CEP192: variants seen among roughly 807,000 people sequenced by gnomAD.
CEP192 encodes the protein centrosomal protein of 192 kDa.
CEP192 carries 151 observed loss-of-function variants against 271.8 expected under a neutral mutation model. The observed-to-expected ratio is 0.56, with a 90% CI of 0.49 to 0.64. The LOEUF is 0.64. Among genes scored for constraint, CEP192 ranks in the 30% least tolerant of loss-of-function variants. The probability of loss-of-function intolerance (pLI) is 0.00; values close to 1 mark genes in which losing one functional copy is unlikely to be tolerated. For synonymous variants in CEP192, 995 were observed against 1,076.5 expected (o/e 0.92, Z 1.48); for missense variants, 2,910 against 3,020.5 (o/e 0.96, Z 0.86).
chr18:13,034,682 G>C (rs576548828), intron 11 of CEP192, among the ~76,000 whole-genome samples: 4 of 151,716 alleles, frequency 2.6e-5, no homozygotes, highest in African/African-American at 9.7e-5. Context: ...TGGGTGTGGT[G>C]GTGGGCACCT....
intron 21 of CEP192, among the ~76,000 whole-genome samples, chr18:13,061,876 A>G (rs369382352): frequency 6.6e-6 from 1 of 152,354 alleles, no homozygotes; most frequent in African/African-American, 2.4e-5. Context: ...AACATGGTCA[A>G]GCCATCCCTG....
rs2039192027 is a variant in CEP192, at chr18:13,092,466, G to A, written c.6193G>A (p.Asp2065Asn). The A allele has an allele frequency of 6.2e-7, 1 of 1,609,166 alleles. No homozygotes were observed. The highest frequency in any genetic ancestry group is 8.5e-7 in the Non-Finnish European group (1 of 1,176,670). ...ACTTTCAGTAATTGGAGAATTCAGA[G>A]ATTGCATTTCTAGCAGAGAATTCCT... The part of the protein sequence containing the change: ...IILSVIGEFR[D>N]CISSREFLQP... The change falls in exon 34 of 45, where the codon GAT (aspartate) becomes AAT (asparagine). Residue 2065 changes from aspartate (D) to asparagine (N), a missense_variant. Coordinates refer to ENST00000506447, the MANE Select transcript of CEP192 (RefSeq NM_032142.4).
chr18:13,026,203 G>A (rs1373293291), intron 9 of CEP192, among the ~76,000 whole-genome samples: 1 of 152,108 alleles, frequency 6.6e-6, no homozygotes, highest in African/African-American at 2.4e-5. Flanking sequence ...GCTTGGCATG[G>A]TTTCTGAGGA....
intron 30 of CEP192, among the ~76,000 whole-genome samples, chr18:13,078,800 A>G (rs1402864175): frequency 6.6e-6 from 1 of 151,948 alleles, no homozygotes; most frequent in Admixed American, 6.6e-5. Flanking sequence ...CCATCCCACA[A>G]CAGGCCCCCA....
chr18:13,008,743 GC>G, intron 4 of CEP192, 112 bp downstream of exon 4: 1 of 815,126 alleles, frequency 1.2e-6, no homozygotes, highest in Non-Finnish European at 1.9e-6. Context: ...CACTCCTGTC[GC>G]CCAGGCTGGA....
rs1044154688 is a variant in CEP192, at chr18:13,038,468, A to G, written c.1698A>G (p.Thr566=). The G allele has an allele frequency of 5.2e-6, 8 of 1,551,546 alleles. No homozygotes were observed. The highest frequency in any genetic ancestry group is 2.7e-5 in the African/African-American group (2 of 73,040). The part of the protein sequence containing the change: ...NYSLLRKSRS[T]SDLDKDDASY... ...GTCTGTTGAGGAAATCACGTAGCAC[A>G]TCAGATTTGGATAAAGATGATGCCA... The change falls in exon 13 of 45, where the codon ACA becomes ACG. Residue 566 remains threonine (T), a synonymous_variant. Transcript: ENST00000506447.
At chr18:13,066,124 T>C (rs562151) in intron 21 of CEP192, among the ~76,000 whole-genome samples, 105,589 of 152,104 alleles carry the variant, frequency 0.69, 37,478 homozygotes, top group African/African-American at 0.84. Context: ...TTCAACTAGA[T>C]AAAGACAGCA....
intron 44 of CEP192, among the ~76,000 whole-genome samples, chr18:13,119,614 C>T (rs79276412): frequency 0.044 from 6,635 of 152,118 alleles, 216 homozygotes; most frequent in East Asian, 0.14. Context: ...TGGTGGCAGG[C>T]GCCTGTAATC....
At position 13,066,963 on chromosome 18, in the gene CEP192, CTGTG is replaced by C. The variant is rs56795701; in HGVS notation, c.4489-835_4489-832del. Among the ~76,000 whole-genome samples the C allele has an allele frequency of 6.6e-3, 951 of 143,468 alleles. 7 individuals carry two copies. The highest frequency in any genetic ancestry group is 8.7e-3 in the African/African-American group (332 of 38,098). 94.1% of individuals were successfully genotyped at this position (143,468 alleles called of 152,430 possible). A position where few individuals can be genotyped will look rare whatever the true frequency, so the allele number is the denominator to read the frequency against. On this transcript the variant is annotated intron_variant, in intron 21 of 44. Transcript: ENST00000506447. ...AGAGCAAAACAAAATGTGAGCACGT[CTGTG>C]TGTGTGTGTGTGTGTGTGTGTGTGT...
At chr18:13,082,027 A>G (rs2038636718) in intron 30 of CEP192, among the ~76,000 whole-genome samples, 2 of 152,166 alleles carry the variant, frequency 1.3e-5, no homozygotes, top group African/African-American at 4.8e-5. Context: ...ACTTCCAACT[A>G]TGTGGTCAGT....
chr18:12,999,350 A>T, intron 1 of CEP192, 71 bp from the exon 2 acceptor site: 1 of 1,199,346 alleles, frequency 8.3e-7, no homozygotes, highest in Non-Finnish European at 1.1e-6. Flanking sequence ...GTTTTCTAAG[A>T]CAATGCTTTT....
At position 13,056,652 on chromosome 18, in the gene CEP192, A is replaced by G; in HGVS notation, c.4062A>G (p.Thr1354=). 2 of 1,613,040 alleles carry G rather than the reference A, an allele frequency of 1.2e-6. No individual in the cohort carries two copies. The highest frequency in any genetic ancestry group is 1.7e-6 in the Non-Finnish European group (2 of 1,179,476). Reference sequence around the variant, plus strand: ...CTTTTCCTGTGCCGTCTGTTGGTACAAACTGTGGAATTGAACCATGGGATT... The same window carrying G: ...CTTTTCCTGTGCCGTCTGTTGGTACGAACTGTGGAATTGAACCATGGGATT... ...TKPFPVPSVG[T]NCGIEPWDSG... is the part of the protein sequence containing the mutation. Residue 1354 remains threonine (T), a synonymous_variant, in exon 19 of 45, where the codon ACA becomes ACG. Transcript: ENST00000506447.
intron 17 of CEP192, among the ~76,000 whole-genome samples, chr18:13,052,300 G>GTAT (rs1416973611): frequency 6.6e-6 from 1 of 152,210 alleles, no homozygotes; most frequent in African/African-American, 2.4e-5. Context: ...GCATAGTGTT[G>GTAT]TATTGCATGT....
In CEP192 at chr18:13,072,785, T is replaced by C; in HGVS notation, c.5379T>C (p.Ser1793=). The C allele has an allele frequency of 6.2e-7, 1 of 1,611,906 alleles. No homozygotes were observed. The highest frequency in any genetic ancestry group is 8.5e-7 in the Non-Finnish European group (1 of 1,177,954). Residue 1793 remains serine (S), a synonymous_variant, in exon 29 of 45, where the codon TCT becomes TCC. Coordinates refer to ENST00000506447, the MANE Select transcript of CEP192 (RefSeq NM_032142.4). ...QLQKLALRNN[S]ASTTQHLRLL... ...AGAAACTAGCTTTAAGAAATAATTC[T>C]GCATCTACAACTCAACATTTACGAC...
chr18:13,024,716 C>T (rs2035192366), intron 9 of CEP192, among the ~76,000 whole-genome samples: 1 of 151,910 alleles, frequency 6.6e-6, no homozygotes, highest in Non-Finnish European at 1.5e-5. Context: ...CCGCCTTGGC[C>T]TCCCAAAGTG....
chr18:13,094,521 C>T (rs1279224604), intron 34 of CEP192, among the ~76,000 whole-genome samples: 1 of 152,152 alleles, frequency 6.6e-6, no homozygotes, highest in African/African-American at 2.4e-5. Flanking sequence ...GTCCCCCGTC[C>T]TTCTTTGCGC....
At chr18:12,997,779 C>T (rs1425819805) in intron 1 of CEP192, among the ~76,000 whole-genome samples, 3 of 152,168 alleles carry the variant, frequency 2.0e-5, no homozygotes, top group Non-Finnish European at 4.4e-5. Flanking sequence ...GGCTGAAGTA[C>T]AGGGGCGCAA....
At chr18:13,019,482 A>T (rs1431321312) in intron 9 of CEP192, among the ~76,000 whole-genome samples, 1 of 152,080 alleles carries the variant, frequency 6.6e-6, no homozygotes, top group East Asian at 1.9e-4. Context: ...AAGCAAACGG[A>T]TCTTTTACCT....
intron 9 of CEP192, among the ~76,000 whole-genome samples, chr18:13,019,665 G>GA (rs1319087234): frequency 2.6e-5 from 4 of 151,896 alleles, no homozygotes; most frequent in Non-Finnish European, 4.4e-5. Flanking sequence ...TTGCATGTAG[G>GA]TTAATTTTTT....
Sources: allele counts gnomAD v4.1 joint callset (sites outside exome capture counted in the v4.1 genomes callset), GRCh38; gene constraint gnomAD v4.1.1; transcripts MANE v1.5; gene names NCBI Gene and HGNC (gene_info 2026-07-23, HGNC 2026-07-21).